MGAT3: variants seen among roughly 807,000 people sequenced by gnomAD.
MGAT3 encodes GlcNAc-T III.
Under a neutral mutation model 29.8 loss-of-function variants are expected in MGAT3, and 9 were observed. The observed-to-expected ratio is 0.30, with a 90% CI of 0.18 to 0.53. The LOEUF is 0.53. Among genes scored for constraint, MGAT3 ranks in the 20% least tolerant of loss-of-function variants. The pLI is 0.96. For synonymous variants in MGAT3, 397 were observed against 348.9 expected (o/e 1.14, Z -1.54); for missense variants, 557 against 769.5 (o/e 0.72, Z 3.27).
chr22:39,489,018 C>T lies in MGAT3; in HGVS notation c.*69C>T. ...GCGGCCCCTAGCGCTATCTCCCTGC[C>T]TCCTGCCGGCTCCTTGGTTCTTGAG... is the stretch of plus-strand genomic sequence containing the variant. On this transcript the variant is annotated 3_prime_UTR_variant, in exon 2 of 2. Coordinates refer to ENST00000341184, the MANE Select transcript of MGAT3 (RefSeq NM_002409.5). 6.8e-7 allele frequency: 1 copy of T among 1,474,040 alleles called. No homozygotes were observed. Among genetic ancestry groups the T allele is most frequent in the Non-Finnish European group, 9.0e-7 (1 of 1,110,460 alleles). 91.3% of individuals were successfully genotyped at this position (1,474,040 alleles called of 1,614,324 possible).
chr22:39,488,850 C>T lies in MGAT3; in HGVS notation c.1503C>T (p.Pro501=). The part of the protein sequence containing the change: ...YDRFHYLLDN[P]YQEPRSTAAG... The stretch of plus-strand genomic sequence containing the variant: ...GGTTCCACTACCTGCTGGACAACCC[C>T]TACCAGGAGCCCAGGAGCACGGCGG... Residue 501 remains proline (P), a synonymous_variant, in exon 2 of 2, where the codon CCC becomes CCT. Transcript: ENST00000341184. 1 of 1,607,916 alleles carries T rather than the reference C, an allele frequency of 6.2e-7. No homozygotes were observed. The highest frequency in any genetic ancestry group is 8.5e-7 in the Non-Finnish European group (1 of 1,177,364).
At chr22:39,466,551 T>C (rs151327584) in intron 1 of MGAT3, among the ~76,000 whole-genome samples, 1 of 152,330 alleles carries the variant, frequency 6.6e-6, no homozygotes, top group Non-Finnish European at 1.5e-5. Flanking sequence ...CTCACCTTCC[T>C]ACTTCCCGGC....
chr22:39,468,519 A>G (rs1020215273), intron 1 of MGAT3, among the ~76,000 whole-genome samples: 1 of 152,182 alleles, frequency 6.6e-6, no homozygotes, highest in African/African-American at 2.4e-5. Flanking sequence ...TGCCACCGCT[A>G]TCCCATTGGA....
At chr22:39,481,869 C>T (rs1014446591) in intron 1 of MGAT3, among the ~76,000 whole-genome samples, 3 of 152,188 alleles carry the variant, frequency 2.0e-5, no homozygotes, top group Admixed American at 6.5e-5. Flanking sequence ...AGTACAGTCA[C>T]GTGTGTAACA....
rs1047922656 is a variant in MGAT3, at chr22:39,487,668, T to C, written c.321T>C (p.Tyr107=). ...TGCTGCCCGAGGACACCACCGAGTA[T>C]TTCGTGCGCACCAAGGCCGGCGGCG... ...DLVLPEDTTE[Y]FVRTKAGGVC... Residue 107 remains tyrosine (Y), a synonymous_variant, in exon 2 of 2, where the codon TAT becomes TAC. Coordinates refer to ENST00000341184, the MANE Select transcript of MGAT3 (RefSeq NM_002409.5). This position sits in a 1 kb window ranked among gnomAD's most constrained non-coding sequence, Gnocchi z 5.7. 1.2e-6 allele frequency: 2 copies of C among 1,607,720 alleles called. No individual in the cohort carries two copies. The highest frequency in any genetic ancestry group is 1.7e-5 in the Admixed American group (1 of 59,142).
chr22:39,482,051 T>C (rs1370431582), intron 1 of MGAT3, among the ~76,000 whole-genome samples: 1 of 152,122 alleles, frequency 6.6e-6, no homozygotes, highest in Non-Finnish European at 1.5e-5. Flanking sequence ...CCTGCAGGGC[T>C]CAAGCAGTCT....
At chr22:39,470,972 C>T (rs993189368) in intron 1 of MGAT3, among the ~76,000 whole-genome samples, 1 of 152,114 alleles carries the variant, frequency 6.6e-6, no homozygotes, top group Non-Finnish European at 1.5e-5. Flanking sequence ...GGGTGGGCAC[C>T]CAGGACAGCC....
intron 1 of MGAT3, chr22:39,477,606 T>C (rs964904929): frequency 3.3e-5 from 5 of 151,062 alleles, no homozygotes; most frequent in Admixed American, 2.6e-4. Context: ...CCAGGCTCCA[T>C]GCAGAATGCT....
chr22:39,483,939 C>G (rs894534890), intron 1 of MGAT3, among the ~76,000 whole-genome samples: 4 of 152,156 alleles, frequency 2.6e-5, no homozygotes, highest in Non-Finnish European at 4.4e-5. Flanking sequence ...GGAGGGATAT[C>G]TGAGCTCGAA....
chr22:39,481,478 T>C (rs1258593101), intron 1 of MGAT3, among the ~76,000 whole-genome samples: 4 of 152,240 alleles, frequency 2.6e-5, no homozygotes, highest in Non-Finnish European at 5.9e-5. Flanking sequence ...TTTTGGTCCG[T>C]CCTGTCTCCC....
In MGAT3 at chr22:39,488,345, A is replaced by G; in HGVS notation, c.998A>G (p.Tyr333Cys). 1 of 1,612,466 alleles carries G rather than the reference A, an allele frequency of 6.2e-7. No individual in the cohort carries two copies. Among genetic ancestry groups the G allele is most frequent in the Non-Finnish European group, 8.5e-7 (1 of 1,179,988 alleles). ...ARDGVLFLKL[Y>C]DGWTEPFAFH... Reference sequence around the variant, plus strand: ...GACGGCGTCCTTTTCCTCAAGCTCTACGATGGCTGGACCGAGCCCTTCGCC... The same window carrying G: ...GACGGCGTCCTTTTCCTCAAGCTCTGCGATGGCTGGACCGAGCCCTTCGCC... Residue 333 changes from tyrosine to cysteine, a missense_variant, in exon 2 of 2, where the codon TAC (tyrosine) becomes TGC (cysteine). Physicochemically the swap from Tyr to Cys is radical, Grantham distance 194 (BLOSUM62 -2). Around this residue, in one of 3 missense-constraint regions of MGAT3, gnomAD observed 243 missense variants for 444.0 expected, o/e 0.55. Transcript: ENST00000341184.
intron 1 of MGAT3, chr22:39,475,839 A>G (rs972087194): frequency 6.6e-6 from 1 of 152,280 alleles, no homozygotes; most frequent in Admixed American, 6.5e-5. Flanking sequence ...TAAGCTGGGT[A>G]TGGTGGTGTG....
At chr22:39,484,332 C>A (rs976609496) in intron 1 of MGAT3, among the ~76,000 whole-genome samples, 1 of 152,132 alleles carries the variant, frequency 6.6e-6, no homozygotes, top group African/African-American at 2.4e-5. Context: ...GATGGAGAAA[C>A]TAAGGTTCAG....
intron 1 of MGAT3, among the ~76,000 whole-genome samples, chr22:39,467,140 G>T (rs138568184): frequency 6.6e-6 from 1 of 152,334 alleles, no homozygotes; most frequent in African/African-American, 2.4e-5. Flanking sequence ...CTTAGGCTGC[G>T]CAGTCCTCTA....
chr22:39,468,784 C>T (rs894045272), intron 1 of MGAT3, among the ~76,000 whole-genome samples: 8 of 152,006 alleles, frequency 5.3e-5, no homozygotes, highest in African/African-American at 1.7e-4. Flanking sequence ...CATCAGACAG[C>T]ACAGCCCTTG....
At chr22:39,468,745 C>G (rs1456669555) in intron 1 of MGAT3, among the ~76,000 whole-genome samples, 1 of 150,658 alleles carries the variant, frequency 6.6e-6, no homozygotes. Context: ...TTGTGTGGGG[C>G]TCAGTGCTTG....
At position 39,487,943 on chromosome 22, in the gene MGAT3, T is replaced by G; in HGVS notation, c.596T>G (p.Leu199Arg). The change falls in exon 2 of 2, where the codon CTG becomes CGG. Residue 199 changes from leucine (L) to arginine (R), a missense_variant. Coordinates refer to ENST00000341184, the MANE Select transcript of MGAT3 (RefSeq NM_002409.5). This position sits in a 1 kb window ranked among gnomAD's most constrained non-coding sequence, Gnocchi z 5.7. The part of the protein sequence containing the change: ...QYSNLPTKER[L>R]VPREVPRRVI... ...TCCAACCTGCCCACCAAGGAGCGGCTGGTGCCCAGGGAGGTGCCGCGCCGC... is the reference window on the plus strand; with the variant it reads ...TCCAACCTGCCCACCAAGGAGCGGCGGGTGCCCAGGGAGGTGCCGCGCCGC... 1 of 1,610,428 alleles carries G rather than the reference T, an allele frequency of 6.2e-7. No homozygotes were observed. Among genetic ancestry groups the G allele is most frequent in the Non-Finnish European group, 8.5e-7 (1 of 1,179,000 alleles).
intron 1 of MGAT3, among the ~76,000 whole-genome samples, chr22:39,472,434 C>G (rs1192238193): frequency 2.0e-5 from 3 of 152,182 alleles, no homozygotes; most frequent in Non-Finnish European, 4.4e-5. Flanking sequence ...GTCCAGTAGC[C>G]CCTCTGGGAG....
chr22:39,468,193 A>G (rs1928709978), intron 1 of MGAT3, among the ~76,000 whole-genome samples: 3 of 152,178 alleles, frequency 2.0e-5, no homozygotes, highest in Admixed American at 2.0e-4. Flanking sequence ...CCCAGCAGGA[A>G]GCTAACTGAT....
Sources: gnomAD v4.1 joint callset for allele counts (sites outside exome capture counted in the v4.1 genomes callset) on GRCh38, gnomAD v4.1.1 for gene constraint, gnomAD v4.1.1 regional missense constraint, Gnocchi (gnomAD v3.1) non-coding constraint, MANE v1.5 for transcripts, NCBI Gene and HGNC (gene_info 2026-07-23, HGNC 2026-07-21) for gene names.